PIK3CB: variants seen among roughly 807,000 people sequenced by gnomAD.
PIK3CB encodes the protein phosphatidylinositol-4,5-bisphosphate 3-kinase catalytic subunit beta, also known as phosphatidylinositol 4,5-bisphosphate 3-kinase catalytic subunit beta isoform.
In PIK3CB, 39 loss-of-function variants were observed where a neutral mutation model predicts 136.8. That is an observed-to-expected ratio of 0.29 (90% CI 0.22 to 0.37). The LOEUF (loss-of-function observed/expected upper bound fraction) is 0.37, where lower values mean the gene tolerates loss of function less well. PIK3CB is among the 10% of genes least tolerant of loss of function. The probability of loss-of-function intolerance (pLI) is 1.00; values close to 1 mark genes in which losing one functional copy is unlikely to be tolerated. For missense variants in PIK3CB, 868 were observed against 1,275.4 expected (o/e 0.68, Z 4.87); for synonymous variants, 428 against 436.6 (o/e 0.98, Z 0.25).
intron 21 of PIK3CB, among the ~76,000 whole-genome samples, chr3:138,663,468 G>A (rs1055970568): frequency 1.3e-5 from 2 of 151,982 alleles, no homozygotes; most frequent in Non-Finnish European, 2.9e-5. Flanking sequence ...TGCAACCTCC[G>A]CCTCCCAGGT....
intron 4 of PIK3CB, among the ~76,000 whole-genome samples, chr3:138,752,882 A>G (rs532647194): frequency 6.6e-6 from 1 of 152,320 alleles, no homozygotes; most frequent in African/African-American, 2.4e-5. Flanking sequence ...AGCATATGTA[A>G]TATTTCAATC....
chr3:138,750,709 C>A (rs2045454359), intron 4 of PIK3CB, among the ~76,000 whole-genome samples: 1 of 152,176 alleles, frequency 6.6e-6, no homozygotes, highest in South Asian at 2.1e-4. Flanking sequence ...CCCAATACAC[C>A]CCTTTCTATG....
chr3:138,660,364 T>A (rs2043274302), intron 21 of PIK3CB, among the ~76,000 whole-genome samples: 1 of 152,178 alleles, frequency 6.6e-6, no homozygotes, highest in Non-Finnish European at 1.5e-5. Flanking sequence ...AAAAACAGAA[T>A]CCTATTATTA....
intron 2 of PIK3CB, among the ~76,000 whole-genome samples, chr3:138,787,686 T>G (rs1399227296): frequency 6.6e-6 from 1 of 150,906 alleles, no homozygotes; most frequent in Non-Finnish European, 1.5e-5. Context: ...CAGCTCCTTG[T>G]AAAATTTCCA....
intron 7 of PIK3CB, 54 bp downstream of exon 7, chr3:138,734,580 C>CT: frequency 7.5e-7 from 1 of 1,341,466 alleles, no homozygotes; most frequent in South Asian, 1.4e-5. Context: ...CTTATGTAAA[C>CT]TAACACAATC....
At chr3:138,722,558 A>T (rs1576357628) in intron 8 of PIK3CB, among the ~76,000 whole-genome samples, 1 of 152,196 alleles carries the variant, frequency 6.6e-6, no homozygotes, top group South Asian at 2.1e-4. Flanking sequence ...CCATATAATA[A>T]AGGCTCAATA....
chr3:138,821,305 A>C lies in PIK3CB; in HGVS notation c.-122+13390T>G, dbSNP rs1316740600. ...CTCAAAAAAAAAAACAAAAAACAAA[A>C]AAAAAATTAATGCTCAGGGCTGAGC... is the stretch of plus-strand genomic sequence containing the variant. On this transcript the variant is annotated intron_variant, in intron 1 of 23. Transcript: ENST00000674063. Among the ~76,000 whole-genome samples, 4 of 150,810 alleles carry C rather than the reference A, an allele frequency of 2.7e-5. No homozygotes were observed. The Admixed American group carries it at 2.7e-4, about 10-fold the overall frequency.
At chr3:138,695,794 T>G (rs2044123696) in intron 13 of PIK3CB, among the ~76,000 whole-genome samples, 1 of 152,104 alleles carries the variant, frequency 6.6e-6, no homozygotes, top group African/African-American at 2.4e-5. Flanking sequence ...TTGCCCAGGA[T>G]GGAGTACAAT....
intron 11 of PIK3CB, among the ~76,000 whole-genome samples, chr3:138,705,174 C>CAAA (rs1159172292): frequency 5.3e-5 from 3 of 57,062 alleles, no homozygotes; most frequent in Non-Finnish European, 5.9e-5. Flanking sequence ...AAAAAAAAAA[C>CAAA]AAAAAACAAA....
rs1440862435 is a variant in PIK3CB at position 138,693,959 on chromosome 3, ATATATAT to A, written c.1892+820_1892+826del. Among the ~76,000 whole-genome samples, 601 of 34,650 alleles carry A rather than the reference ATATATAT, an allele frequency of 0.017. 31 individuals carry two copies. In the East Asian group the frequency reaches 0.22, roughly 12 times the overall value. The allele number at this position is 34,650 out of a possible 152,430, so 22.7% of individuals were successfully genotyped here. ...AAAATATATATATATATATATATAT[ATATATAT>A]TATATATATATATATATATATATAT... On this transcript the variant is annotated intron_variant, in intron 14 of 23. Transcript: ENST00000674063.
intron 2 of PIK3CB, among the ~76,000 whole-genome samples, chr3:138,775,398 A>G (rs2045846228): frequency 6.6e-6 from 1 of 152,258 alleles, no homozygotes; most frequent in South Asian, 2.1e-4. Flanking sequence ...GCAATTTGCA[A>G]TCCAGCCTGT....
intron 2 of PIK3CB, among the ~76,000 whole-genome samples, chr3:138,775,514 G>A (rs1162407843): frequency 6.6e-6 from 1 of 152,120 alleles, no homozygotes; most frequent in African/African-American, 2.4e-5. Context: ...CAGAAGGGAT[G>A]AGGATGGAAT....
intron 11 of PIK3CB, among the ~76,000 whole-genome samples, chr3:138,705,199 A>T (rs971263030): frequency 7.0e-6 from 1 of 143,258 alleles, no homozygotes; most frequent in Non-Finnish European, 1.5e-5. Flanking sequence ...ACAAAAAAAA[A>T]AACTTATATT....
chr3:138,819,109 G>A (rs1280936320), intron 1 of PIK3CB, among the ~76,000 whole-genome samples: 1 of 152,190 alleles, frequency 6.6e-6, no homozygotes, highest in Non-Finnish European at 1.5e-5. Context: ...AGCACTTTGG[G>A]AGGCCAAGGT....
rs753772100 is a variant in PIK3CB, at chr3:138,690,981, T to TA, written c.2036+18dup. Reference sequence around the variant, plus strand: ...ACTAAAGCACCTGGTGGGCTCAAAGTAAAATATAAAAGACTTACCTAAGAT... The same window carrying TA: ...ACTAAAGCACCTGGTGGGCTCAAAGTAAAAATATAAAAGACTTACCTAAGAT... On this transcript the variant is annotated intron_variant, in intron 15 of 23. Transcript: ENST00000674063. 2 of 1,592,292 alleles carry TA rather than the reference T, an allele frequency of 1.3e-6. No individual in the cohort carries two copies. Among genetic ancestry groups the TA allele is most frequent in the East Asian group, 4.5e-5 (2 of 44,740 alleles).
intron 1 of PIK3CB, among the ~76,000 whole-genome samples, chr3:138,830,127 A>C (rs914898772): frequency 6.6e-6 from 1 of 152,190 alleles, no homozygotes; most frequent in Non-Finnish European, 1.5e-5. Context: ...GAGAAGGAAA[A>C]GTCAAAGAGA....
intron 2 of PIK3CB, among the ~76,000 whole-genome samples, chr3:138,788,159 G>A (rs1023084057): frequency 5.9e-5 from 9 of 151,530 alleles, no homozygotes; most frequent in African/African-American, 1.9e-4. Context: ...CTGACCTCAG[G>A]TGGTCTGCCC....
chr3:138,718,926 G>T lies in PIK3CB; in HGVS notation c.1051-4207C>A, dbSNP rs555978587. 1.6e-3 allele frequency among the ~76,000 whole-genome samples: 241 copies of T among 152,136 alleles called. 2 individuals are homozygous for T. The highest frequency in any genetic ancestry group is 5.7e-3 in the African/African-American group (238 of 41,532). On this transcript the variant is annotated intron_variant, in intron 8 of 23. Coordinates refer to ENST00000674063, the MANE Select transcript of PIK3CB (RefSeq NM_006219.3). ...ATATGCCTATTTTTGTATTAGATATGATTTTTTAAAACAACCATTTGGGTT... is the reference window on the plus strand; with the variant it reads ...ATATGCCTATTTTTGTATTAGATATTATTTTTTAAAACAACCATTTGGGTT...
chr3:138,655,842 G>A (rs1331761288), intron 23 of PIK3CB, among the ~76,000 whole-genome samples: 3 of 152,198 alleles, frequency 2.0e-5, no homozygotes, highest in Admixed American at 2.0e-4. Flanking sequence ...GCAGACTGTG[G>A]AAAATCAAGG....
Sources: gnomAD v4.1 joint callset for allele counts (sites outside exome capture counted in the v4.1 genomes callset) on GRCh38, gnomAD v4.1.1 for gene constraint, MANE v1.5 for transcripts, NCBI Gene and HGNC (gene_info 2026-07-23, HGNC 2026-07-21) for gene names.